The following TMEM132D variants were observed in gnomAD, a reference collection of about 807,000 sequenced individuals.
TMEM132D encodes the protein transmembrane protein 132D, also known as mature OL transmembrane protein.
TMEM132D carries 21 observed loss-of-function variants against 62.3 expected under a neutral mutation model. That is an observed-to-expected ratio of 0.34 (90% confidence interval 0.24 to 0.49). The LOEUF (loss-of-function observed/expected upper bound fraction) is 0.49. Ranked by LOEUF, TMEM132D falls within the 20% of genes least tolerant of loss-of-function variation. The pLI is 0.99. For missense variants in TMEM132D, 1,346 were observed against 1,402.8 expected, an observed-to-expected ratio of 0.96 and a Z score of 0.65; for synonymous variants, 621 against 575.6, an observed-to-expected ratio of 1.08 and a Z score of -1.13.
chr12:129,223,881 T>C (rs1222598156), intron 4 of TMEM132D, among the ~76,000 whole-genome samples: 1 of 152,238 alleles, frequency 6.6e-6, no homozygotes, highest in East Asian at 1.9e-4. Context: ...TTACAAATAT[T>C]GTTCACTGTG....
At chr12:129,860,955 G>C (rs1008862539) in intron 1 of TMEM132D, among the ~76,000 whole-genome samples, 2 of 152,174 alleles carry the variant, frequency 1.3e-5, no homozygotes, top group Non-Finnish European at 2.9e-5. Context: ...ATGACACATA[G>C]GGATTATGGG....
chr12:129,605,687 A>G (rs1426412080), intron 2 of TMEM132D, among the ~76,000 whole-genome samples: 2 of 151,290 alleles, frequency 1.3e-5, no homozygotes, highest in African/African-American at 4.9e-5. Flanking sequence ...TTGTAGATAG[A>G]AAGTGTGCTG....
chr12:129,265,860 C>T (rs746720283), intron 4 of TMEM132D, among the ~76,000 whole-genome samples: 1 of 152,106 alleles, frequency 6.6e-6, no homozygotes, highest in Non-Finnish European at 1.5e-5. Context: ...GTCCCTCTTA[C>T]AATCTTTCTC....
intron 2 of TMEM132D, among the ~76,000 whole-genome samples, chr12:129,636,932 A>G (rs111839880): frequency 0.024 from 3,587 of 152,280 alleles, 68 homozygotes; most frequent in Non-Finnish European, 0.036. Context: ...TAGCATACCC[A>G]TAATAAAGAA....
intron 5 of TMEM132D, among the ~76,000 whole-genome samples, chr12:129,201,574 G>T (rs1240537692): frequency 6.6e-6 from 1 of 152,202 alleles, no homozygotes. Flanking sequence ...CAAGGATAAG[G>T]TGACCTAAAT....
chr12:129,533,632 T>C (rs773887652), intron 2 of TMEM132D, among the ~76,000 whole-genome samples: 1 of 152,240 alleles, frequency 6.6e-6, no homozygotes, highest in Non-Finnish European at 1.5e-5. Context: ...GTTTCTCCAA[T>C]GAATCCTTTT....
intron 3 of TMEM132D, among the ~76,000 whole-genome samples, chr12:129,449,045 C>T (rs1306350731): frequency 1.3e-5 from 2 of 152,202 alleles, no homozygotes; most frequent in Non-Finnish European, 2.9e-5. Flanking sequence ...GCAGCTCTGC[C>T]TTACCTGCAG....
intron 3 of TMEM132D, 137 bp downstream of exon 3, chr12:129,530,922 A>T: frequency 1.2e-6 from 1 of 845,716 alleles, no homozygotes; most frequent in Non-Finnish European, 1.8e-6. Context: ...ATCTACCTGG[A>T]GGCCCTGATA....
chr12:129,408,147 A>G (rs1871852581), intron 3 of TMEM132D, among the ~76,000 whole-genome samples: 1 of 152,132 alleles, frequency 6.6e-6, no homozygotes, highest in South Asian at 2.1e-4. Context: ...AGCCTTTAAC[A>G]CACATCCACC....
chr12:129,118,578 G>A (rs142625794), intron 5 of TMEM132D, among the ~76,000 whole-genome samples: 226 of 152,326 alleles, frequency 1.5e-3, no homozygotes, highest in Non-Finnish European at 1.8e-3. Context: ...TGATCAACCC[G>A]TGGGACTTTT....
intron 1 of TMEM132D, among the ~76,000 whole-genome samples, chr12:129,804,490 AC>A (rs1335226116): frequency 4.8e-4 from 73 of 150,700 alleles, no homozygotes; most frequent in Non-Finnish European, 6.9e-4. Flanking sequence ...AAATTCAACA[AC>A]CCTTCATGCT....
At chr12:129,727,231 T>C (rs1330048827) in intron 1 of TMEM132D, among the ~76,000 whole-genome samples, 1 of 152,254 alleles carries the variant, frequency 6.6e-6, no homozygotes, top group Non-Finnish European at 1.5e-5. Context: ...GAAGTTTATA[T>C]GGCTTATGGT....
At chr12:129,870,891 G>A (rs946514795) in intron 1 of TMEM132D, among the ~76,000 whole-genome samples, 3 of 152,166 alleles carry the variant, frequency 2.0e-5, no homozygotes, top group East Asian at 1.9e-4. Context: ...ATTAACCCAC[G>A]GGGTCTGCAC....
chr12:129,163,573 G>A (rs1219236329), intron 5 of TMEM132D, among the ~76,000 whole-genome samples: 2 of 152,204 alleles, frequency 1.3e-5, no homozygotes, highest in African/African-American at 4.8e-5. Context: ...ACTGCTGCTG[G>A]GCAGTGGTGG....
chr12:129,868,736 C>T (rs1447750218), intron 1 of TMEM132D, among the ~76,000 whole-genome samples: 1 of 152,166 alleles, frequency 6.6e-6, no homozygotes, highest in East Asian at 1.9e-4. Context: ...ACAAGCTGTT[C>T]TTCTAGAAGT....
At chr12:129,799,628 G>C (rs921855852) in intron 1 of TMEM132D, among the ~76,000 whole-genome samples, 1 of 152,038 alleles carries the variant, frequency 6.6e-6, no homozygotes, top group Non-Finnish European at 1.5e-5. Flanking sequence ...CAGTTGGCCC[G>C]TCGGTCTCTC....
intron 1 of TMEM132D, among the ~76,000 whole-genome samples, chr12:129,783,276 C>G (rs1871170164): frequency 6.6e-6 from 1 of 152,174 alleles, no homozygotes; most frequent in Non-Finnish European, 1.5e-5. Context: ...GGTAAGTTAA[C>G]AGTGTTGAGC....
At chr12:129,095,195 T>TA (rs1278749076) in intron 5 of TMEM132D, among the ~76,000 whole-genome samples, 7 of 150,040 alleles carry the variant, frequency 4.7e-5, no homozygotes, top group African/African-American at 9.8e-5. Flanking sequence ...TAATAAAATT[T>TA]AAAAAAAAAG....
intron 4 of TMEM132D, among the ~76,000 whole-genome samples, chr12:129,309,092 A>G (rs1881910510): frequency 6.6e-6 from 1 of 152,206 alleles, no homozygotes; most frequent in Non-Finnish European, 1.5e-5. Flanking sequence ...CCCTCTCTTT[A>G]TCTTACTTTT....
Sources: gnomAD v4.1 joint callset for allele counts (sites outside exome capture counted in the v4.1 genomes callset) on GRCh38, gnomAD v4.1.1 for gene constraint, MANE v1.5 for transcripts, NCBI Gene and HGNC (gene_info 2026-07-23, HGNC 2026-07-21) for gene names.